The following ARHGAP18 variants were observed in gnomAD, a reference collection of about 807,000 sequenced individuals.
The protein encoded by ARHGAP18 is rho GTPase-activating protein 18.
A neutral mutation model predicts 86.2 loss-of-function variants in ARHGAP18; 67 were observed. The ratio of observed to expected loss-of-function variants is 0.78; its 90% CI spans 0.64 to 0.95. ARHGAP18 has a LOEUF of 0.95. Among genes scored for constraint, ARHGAP18 ranks in the 40% least tolerant of loss-of-function variants. The pLI is 0.00. For synonymous variants in ARHGAP18, 283 were observed against 280.4 expected (o/e 1.01, Z -0.09); for missense variants, 691 against 780.4 (o/e 0.89, Z 1.37).
intron 1 of ARHGAP18, among the ~76,000 whole-genome samples, chr6:129,659,802 G>T (rs1160317057): frequency 6.6e-6 from 1 of 152,202 alleles, no homozygotes; most frequent in Admixed American, 6.5e-5. Flanking sequence ...ATCCTAAGTG[G>T]TAAGTGCTAT....
intron 4 of ARHGAP18, among the ~76,000 whole-genome samples, chr6:129,631,937 C>T (rs1773226956): frequency 7.0e-6 from 1 of 142,736 alleles, no homozygotes; most frequent in South Asian, 2.2e-4. Flanking sequence ...GAACATATTA[C>T]AGTGAATTAA....
intron 1 of ARHGAP18, among the ~76,000 whole-genome samples, chr6:129,701,933 A>C (rs1165667120): frequency 6.6e-6 from 1 of 152,206 alleles, no homozygotes; most frequent in Non-Finnish European, 1.5e-5. Context: ...TGGGTAGAAA[A>C]GAATTGAGAG....
At chr6:129,672,210 C>G (rs1774154710) in intron 1 of ARHGAP18, among the ~76,000 whole-genome samples, 1 of 152,222 alleles carries the variant, frequency 6.6e-6, no homozygotes. Context: ...TCTGACCCCA[C>G]CCATCCCAGG....
intron 12 of ARHGAP18, among the ~76,000 whole-genome samples, chr6:129,598,204 C>T (rs773643279): frequency 6.6e-6 from 1 of 151,796 alleles, no homozygotes; most frequent in Non-Finnish European, 1.5e-5. Context: ...AATATCAAGG[C>T]CTTTCTAAAA....
chr6:129,593,802 A>G (rs1788562959), intron 12 of ARHGAP18, among the ~76,000 whole-genome samples: 1 of 152,194 alleles, frequency 6.6e-6, no homozygotes, highest in Admixed American at 6.5e-5. Flanking sequence ...ACTAGTATTT[A>G]AGAACATCTA....
At chr6:129,693,436 T>C (rs1774560804) in intron 1 of ARHGAP18, among the ~76,000 whole-genome samples, 1 of 152,182 alleles carries the variant, frequency 6.6e-6, no homozygotes, top group Admixed American at 6.5e-5. Context: ...AGTTTTCAAA[T>C]GATTACTAAT....
chr6:129,583,388 G>C (rs1422976882), intron 13 of ARHGAP18, among the ~76,000 whole-genome samples: 1 of 152,000 alleles, frequency 6.6e-6, no homozygotes, highest in Non-Finnish European at 1.5e-5. Flanking sequence ...ATAGTGAGAG[G>C]GATGCTAGCA....
intron 1 of ARHGAP18, among the ~76,000 whole-genome samples, chr6:129,704,039 A>G (rs1347980383): frequency 6.6e-6 from 1 of 152,200 alleles, no homozygotes; most frequent in Non-Finnish European, 1.5e-5. Flanking sequence ...TTTAAATGGT[A>G]TACTACATAG....
intron 12 of ARHGAP18, among the ~76,000 whole-genome samples, chr6:129,596,021 C>A (rs911027789): frequency 6.6e-6 from 1 of 152,148 alleles, no homozygotes; most frequent in Admixed American, 6.6e-5. Flanking sequence ...TATCTCTTAC[C>A]TGGATTACAA....
chr6:129,623,609 A>G (rs998843661), intron 5 of ARHGAP18, among the ~76,000 whole-genome samples: 1 of 152,310 alleles, frequency 6.6e-6, no homozygotes, highest in Admixed American at 6.5e-5. Context: ...GGAGCATGGA[A>G]CAGAAATGGA....
intron 1 of ARHGAP18, among the ~76,000 whole-genome samples, chr6:129,667,027 A>C (rs1774052706): frequency 6.6e-6 from 1 of 152,200 alleles, no homozygotes; most frequent in Admixed American, 6.5e-5. Context: ...CTTATATGGA[A>C]TGAGAAAAGT....
intron 5 of ARHGAP18, among the ~76,000 whole-genome samples, chr6:129,627,563 A>G (rs1436314767): frequency 1.3e-5 from 2 of 151,998 alleles, no homozygotes; most frequent in Admixed American, 6.6e-5. Context: ...AGAGGGGGAA[A>G]CTCTCCACAA....
chr6:129,707,375 C>T (rs1419048917), intron 1 of ARHGAP18, among the ~76,000 whole-genome samples: 1 of 152,124 alleles, frequency 6.6e-6, no homozygotes, highest in Non-Finnish European at 1.5e-5. Flanking sequence ...CAGACAAAAT[C>T]TTGTGATAAG....
At chr6:129,620,467 T>C (rs1422586695) in intron 5 of ARHGAP18, among the ~76,000 whole-genome samples, 1 of 152,236 alleles carries the variant, frequency 6.6e-6, no homozygotes, top group Non-Finnish European at 1.5e-5. Context: ...CTTTCTCAAA[T>C]ATCATCTTTT....
At chr6:129,632,032 A>T (rs1277518434) in intron 4 of ARHGAP18, among the ~76,000 whole-genome samples, 1 of 152,146 alleles carries the variant, frequency 6.6e-6, no homozygotes, top group Non-Finnish European at 1.5e-5. Flanking sequence ...ATGTTTAAAA[A>T]CTCAAGTGTG....
At chr6:129,621,110 A>C (rs1789220050) in intron 5 of ARHGAP18, among the ~76,000 whole-genome samples, 1 of 152,156 alleles carries the variant, frequency 6.6e-6, no homozygotes, top group Non-Finnish European at 1.5e-5. Context: ...ATATTTTTTC[A>C]ATTTCTCAAT....
chr6:129,619,619 G>T (rs1310503258), intron 5 of ARHGAP18, among the ~76,000 whole-genome samples: 2 of 95,070 alleles, frequency 2.1e-5, no homozygotes, highest in African/African-American at 7.7e-5. Context: ...AAATGAAGGG[G>T]AGGGGACGGG....
At chr6:129,648,117 A>AT (rs769012254) in intron 1 of ARHGAP18, among the ~76,000 whole-genome samples, 1 of 151,874 alleles carries the variant, frequency 6.6e-6, no homozygotes, top group Non-Finnish European at 1.5e-5. Flanking sequence ...ATCAAACCAT[A>AT]TTTTTTTAAA....
At chr6:129,671,127 GAAGTA>G (rs1444645665) in intron 1 of ARHGAP18, among the ~76,000 whole-genome samples, 3 of 152,084 alleles carry the variant, frequency 2.0e-5, no homozygotes, top group South Asian at 2.1e-4. Context: ...TTATGATTCT[GAAGTA>G]AAGTTCAAGT....
Sources: gnomAD v4.1 joint callset for allele counts (sites outside exome capture counted in the v4.1 genomes callset) on GRCh38, gnomAD v4.1.1 for gene constraint, MANE v1.5 for transcripts, NCBI Gene and HGNC (gene_info 2026-07-23, HGNC 2026-07-21) for gene names.